Variants in SYT12 observed in about 807,000 individuals in gnomAD.
SYT12 encodes the protein synaptotagmin 12.
SYT12 carries 27 observed loss-of-function variants against 39.5 expected under a neutral mutation model. That is an observed-to-expected ratio of 0.68 (90% confidence interval 0.50 to 0.94). The LOEUF is 0.94. Among genes scored for constraint, SYT12 ranks in the 40% least tolerant of loss-of-function variants. SYT12 has a pLI of 0.00. For synonymous variants in SYT12, 233 were observed against 239.7 expected, an observed-to-expected ratio of 0.97 and a Z score of 0.26; for missense variants, 536 against 572.6, an observed-to-expected ratio of 0.94 and a Z score of 0.65.
At chr11:67,045,290 G>T (rs1320305896) in intron 6 of SYT12, among the ~76,000 whole-genome samples, 1 of 151,242 alleles carries the variant, frequency 6.6e-6, no homozygotes, top group Non-Finnish European at 1.5e-5. Context: ...GCGGGGGTAG[G>T]TGGGGGGGGC....
intron 1 of SYT12, chr11:67,028,308 C>G (rs952109937): frequency 3.3e-5 from 5 of 152,218 alleles, no homozygotes; most frequent in African/African-American, 4.8e-5. Context: ...AGCTTCCACT[C>G]TAGTCAGGAT....
At chr11:67,016,899 C>T (rs1206454201) in intron 3 of SYT12, among the ~76,000 whole-genome samples, 1 of 152,212 alleles carries the variant, frequency 6.6e-6, no homozygotes, top group Non-Finnish European at 1.5e-5. Flanking sequence ...TCTGCCTCAA[C>T]AGCACCAGCG....
intron 6 of SYT12, 181 bp from the exon 7 acceptor site, chr11:67,045,563 G>A: frequency 1.1e-6 from 1 of 872,694 alleles, no homozygotes; most frequent in South Asian, 1.8e-5. Context: ...GACGTGCTGT[G>A]TGAGCCTCAG....
intron 3 of SYT12, among the ~76,000 whole-genome samples, chr11:67,038,728 C>T (rs1950436654): frequency 6.6e-6 from 1 of 152,142 alleles, no homozygotes; most frequent in Admixed American, 6.6e-5. Context: ...GTGGCTCACG[C>T]CTGTAATCTC....
At position 67,034,630 on chromosome 11, in the gene SYT12, G is replaced by T. The variant is rs957967859; in HGVS notation, c.35-15G>T. On this transcript the variant is annotated splice_polypyrimidine_tract_variant and intron_variant, in intron 2 of 7. Coordinates refer to ENST00000527043, the MANE Select transcript of SYT12 (RefSeq NM_177963.4). ...CACTAGGAAGCCCTAATGAGAGGCT[G>T]CCCTTGCCTTGCAGTCATCAAGAGC... 1.9e-6 allele frequency: 3 copies of T among 1,575,398 alleles called. No homozygotes were observed. In the African/African-American group the frequency reaches 4.2e-5, roughly 22 times the overall value.
intron 4 of SYT12, among the ~76,000 whole-genome samples, chr11:67,042,262 G>T (rs1950526495): frequency 6.6e-6 from 1 of 152,198 alleles, no homozygotes; most frequent in Non-Finnish European, 1.5e-5. Flanking sequence ...TCTTAGCCCA[G>T]CCTGGGTCAG....
intron 5 of SYT12, 76 bp from the exon 6 acceptor site, chr11:67,044,517 C>T: frequency 6.5e-7 from 1 of 1,550,252 alleles, no homozygotes; most frequent in South Asian, 1.2e-5. Flanking sequence ...CAGCCTTTCC[C>T]TGGCAACCAA....
chr11:67,036,998 A>G (rs1191653756), intron 3 of SYT12, among the ~76,000 whole-genome samples: 1 of 152,202 alleles, frequency 6.6e-6, no homozygotes, highest in Non-Finnish European at 1.5e-5. Context: ...GCTTGAACCC[A>G]GAAGGTGGAG....
At chr11:67,015,150 C>T (rs1249695204) in intron 3 of SYT12, among the ~76,000 whole-genome samples, 4 of 152,116 alleles carry the variant, frequency 2.6e-5, no homozygotes, top group East Asian at 1.9e-4. Context: ...CATCCAGAGC[C>T]GCGGCTCCTT....
chr11:67,017,312 G>C (rs970719822), intron 3 of SYT12, among the ~76,000 whole-genome samples: 1 of 151,948 alleles, frequency 6.6e-6, no homozygotes, highest in Non-Finnish European at 1.5e-5. Flanking sequence ...ATTTGAGCCC[G>C]GGAGTTCAAG....
chr11:67,015,731 G>A (rs1330523257), intron 3 of SYT12, among the ~76,000 whole-genome samples: 2 of 152,202 alleles, frequency 1.3e-5, no homozygotes, highest in African/African-American at 4.8e-5. Flanking sequence ...CTTCCCAGCT[G>A]TTGTGGCTTT....
rs77756347 is a variant in SYT12 at position 67,046,048 on chromosome 11, G to C, written c.1092+171G>C. On this transcript the variant is annotated intron_variant, in intron 7 of 7. Transcript: ENST00000527043. Reference sequence around the variant, plus strand: ...GGGGCCAGCCCTAGGGTGGGTGCTGGGGACACAGGCATGGCTTTCTCGGTG... The same window carrying C: ...GGGGCCAGCCCTAGGGTGGGTGCTGCGGACACAGGCATGGCTTTCTCGGTG... Among the ~76,000 whole-genome samples, 371 of 152,076 alleles carry C rather than the reference G, an allele frequency of 2.4e-3. 1 individual carries two copies. The highest frequency in any genetic ancestry group is 8.3e-3 in the African/African-American group (346 of 41,488).
chr11:67,015,115 A>G (rs1950046607), intron 3 of SYT12, among the ~76,000 whole-genome samples: 1 of 152,022 alleles, frequency 6.6e-6, no homozygotes, highest in African/African-American at 2.4e-5. Context: ...TTACTTTCCC[A>G]CAACAATGGG....
chr11:67,036,846 G>A (rs897062402), intron 3 of SYT12, among the ~76,000 whole-genome samples: 3 of 152,162 alleles, frequency 2.0e-5, no homozygotes, highest in Admixed American at 6.5e-5. Flanking sequence ...GGCTAAGACT[G>A]GTGGATCACC....
chr11:67,024,519 C>A (rs1180551462), intron 1 of SYT12, among the ~76,000 whole-genome samples: 2 of 152,208 alleles, frequency 1.3e-5, no homozygotes, highest in East Asian at 1.9e-4. Flanking sequence ...TAAAACACAT[C>A]TGTAGGCTGG....
intron 3 of SYT12, among the ~76,000 whole-genome samples, chr11:67,014,222 T>C (rs1228271486): frequency 2.0e-5 from 3 of 152,210 alleles, no homozygotes; most frequent in East Asian, 1.9e-4. Context: ...ATGTATCTTT[T>C]TGGGGGGTCA....
intron 1 of SYT12, chr11:67,026,572 C>T (rs1022059827): frequency 6.6e-6 from 1 of 152,184 alleles, no homozygotes; most frequent in African/African-American, 2.4e-5. Flanking sequence ...CGCGCCCGGC[C>T]AGATCTTCTA....
At chr11:67,015,940 T>C (rs530338114) in intron 3 of SYT12, among the ~76,000 whole-genome samples, 8 of 152,152 alleles carry the variant, frequency 5.3e-5, no homozygotes, top group African/African-American at 1.9e-4. Context: ...CAGGTCACAC[T>C]GGGAAGGCCA....
chr11:67,019,662 C>G (rs947586866), upstream of SYT12, among the ~76,000 whole-genome samples: 1 of 151,932 alleles, frequency 6.6e-6, no homozygotes, highest in South Asian at 2.1e-4. Context: ...TTTGGGAGGC[C>G]GAGGAGGGGG....
Sources: allele counts gnomAD v4.1 joint callset (sites outside exome capture counted in the v4.1 genomes callset), GRCh38; gene constraint gnomAD v4.1.1; transcripts MANE v1.5; gene names NCBI Gene and HGNC (gene_info 2026-07-23, HGNC 2026-07-21).